Variants in GPC6 observed in about 807,000 individuals in gnomAD.
GPC6 encodes the protein glypican-6.
A neutral mutation model predicts 55.2 loss-of-function variants in GPC6; 14 were observed. The ratio of observed to expected loss-of-function variants is 0.25; its 90% confidence interval spans 0.17 to 0.40. The LOEUF (loss-of-function observed/expected upper bound fraction) is 0.40, where lower values mean the gene tolerates loss of function less well. Among genes scored for constraint, GPC6 ranks in the 10% least tolerant of loss-of-function variants. GPC6 has a pLI of 1.00. For synonymous variants in GPC6, 278 were observed against 259.6 expected (o/e 1.07, Z -0.68); for missense variants, 641 against 708.5 (o/e 0.90, Z 1.08).
intron 4 of GPC6, among the ~76,000 whole-genome samples, chr13:94,073,226 A>G (rs1884796952): frequency 1.3e-5 from 2 of 152,194 alleles, no homozygotes; most frequent in Non-Finnish European, 2.9e-5. Flanking sequence ...TTTGATTCTG[A>G]TCCAGGAATA....
At chr13:93,757,889 G>A (rs1884830684) in intron 2 of GPC6, among the ~76,000 whole-genome samples, 1 of 152,130 alleles carries the variant, frequency 6.6e-6, no homozygotes, top group South Asian at 2.1e-4. Flanking sequence ...AACAGAAATG[G>A]ATAATTAGGG....
At chr13:93,990,126 A>G (rs1213510874) in intron 3 of GPC6, among the ~76,000 whole-genome samples, 1 of 151,988 alleles carries the variant, frequency 6.6e-6, no homozygotes, top group Non-Finnish European at 1.5e-5. Context: ...AAATATGATA[A>G]TATTTTATCA....
intron 4 of GPC6, among the ~76,000 whole-genome samples, chr13:94,123,186 A>G (rs1886696481): frequency 6.6e-6 from 1 of 152,130 alleles, no homozygotes; most frequent in African/African-American, 2.4e-5. Flanking sequence ...AAGTATCAAT[A>G]TTTGAAAACG....
chr13:94,265,715 G>A (rs970400965), intron 4 of GPC6, among the ~76,000 whole-genome samples: 29 of 152,148 alleles, frequency 1.9e-4, no homozygotes, highest in African/African-American at 7.0e-4. Context: ...AAACTGAGGA[G>A]CAGGAAGTGA....
chr13:93,654,467 A>G (rs1314211121), intron 2 of GPC6, among the ~76,000 whole-genome samples: 1 of 152,068 alleles, frequency 6.6e-6, no homozygotes, highest in Non-Finnish European at 1.5e-5. Flanking sequence ...AACTGGGATT[A>G]CAGGTGCTTG....
At chr13:93,314,860 A>G (rs1207463934) in intron 1 of GPC6, among the ~76,000 whole-genome samples, 3 of 152,132 alleles carry the variant, frequency 2.0e-5, no homozygotes, top group African/African-American at 7.2e-5. Context: ...CCAAAGGATT[A>G]CATGGCTAGG....
At chr13:94,324,863 T>C (rs1877033381) in intron 6 of GPC6, among the ~76,000 whole-genome samples, 1 of 152,168 alleles carries the variant, frequency 6.6e-6, no homozygotes, top group Non-Finnish European at 1.5e-5. Context: ...TGCGTGAGGA[T>C]AGACAAAGGG....
At chr13:93,400,246 T>G (rs917299765) in intron 1 of GPC6, among the ~76,000 whole-genome samples, 12 of 152,076 alleles carry the variant, frequency 7.9e-5, no homozygotes, top group Non-Finnish European at 5.9e-5. Flanking sequence ...TTTTCCTTCC[T>G]TTCCTTTTCT....
chr13:94,378,682 G>C (rs1022993718), intron 6 of GPC6, among the ~76,000 whole-genome samples: 3 of 152,134 alleles, frequency 2.0e-5, no homozygotes, highest in African/African-American at 7.2e-5. Flanking sequence ...GTATATGTTT[G>C]GATCAGTTTC....
chr13:93,471,438 G>A (rs1466849646), intron 1 of GPC6, among the ~76,000 whole-genome samples: 1 of 151,832 alleles, frequency 6.6e-6, no homozygotes, highest in African/African-American at 2.4e-5. Flanking sequence ...GCTGAGGCAG[G>A]AGAATGGCAT....
chr13:94,322,319 T>G (rs1876870412), intron 6 of GPC6, among the ~76,000 whole-genome samples: 1 of 152,200 alleles, frequency 6.6e-6, no homozygotes, highest in South Asian at 2.1e-4. Flanking sequence ...TTAAGCCTCT[T>G]TTTCTTTATA....
chr13:93,566,725 C>G (rs1008377665), intron 2 of GPC6, among the ~76,000 whole-genome samples: 12 of 151,498 alleles, frequency 7.9e-5, no homozygotes, highest in Non-Finnish European at 1.6e-4. Context: ...TGCCCCCTCC[C>G]CTTGACAGGC....
intron 4 of GPC6, among the ~76,000 whole-genome samples, chr13:94,194,770 GA>G (rs1313565522): frequency 1.3e-5 from 2 of 151,902 alleles, no homozygotes; most frequent in Non-Finnish European, 2.9e-5. Context: ...TTTTAAAGAT[GA>G]AAAAAAGAAT....
At chr13:93,991,640 A>G (rs1167773726) in intron 3 of GPC6, among the ~76,000 whole-genome samples, 1 of 152,144 alleles carries the variant, frequency 6.6e-6, no homozygotes, top group East Asian at 1.9e-4. Context: ...GGCTGCTTCC[A>G]AGGATATGAG....
At chr13:94,108,954 C>A (rs1024141680) in intron 4 of GPC6, among the ~76,000 whole-genome samples, 3 of 152,054 alleles carry the variant, frequency 2.0e-5, no homozygotes, top group Non-Finnish European at 2.9e-5. Context: ...CCTGACTTAC[C>A]ACCTGTTATT....
chr13:94,146,981 C>A (rs1887582352), intron 4 of GPC6, among the ~76,000 whole-genome samples: 1 of 152,108 alleles, frequency 6.6e-6, no homozygotes, highest in African/African-American at 2.4e-5. Flanking sequence ...AAATCTGCTT[C>A]TAATGTTCAT....
Position 94,117,008 on chromosome 13 carries a change from T to C in GPC6, c.877+89114T>C, listed in dbSNP as rs112082540. Among the ~76,000 whole-genome samples, 319 of 152,218 alleles carry C rather than the reference T, an allele frequency of 2.1e-3. 1 individual carries two copies. The highest frequency in any genetic ancestry group is 3.8e-3 in the Non-Finnish European group (257 of 67,988). On this transcript the variant is annotated intron_variant, in intron 4 of 8. Coordinates refer to ENST00000377047, the MANE Select transcript of GPC6 (RefSeq NM_005708.5). ...CCCCCCAAATACAGTACTATGTTTC[T>C]GAAGCCCATGAGATTACTTGAGCAT...
chr13:93,953,308 C>A (rs1021237632), intron 3 of GPC6, among the ~76,000 whole-genome samples: 4 of 152,036 alleles, frequency 2.6e-5, no homozygotes, highest in African/African-American at 9.7e-5. Context: ...CCCCTTTTGA[C>A]TCTTCATATT....
chr13:94,044,914 T>C (rs1247906275), intron 4 of GPC6, among the ~76,000 whole-genome samples: 1 of 151,880 alleles, frequency 6.6e-6, no homozygotes, highest in Non-Finnish European at 1.5e-5. Context: ...TAACGTGCCG[T>C]ATCATATAAA....
Sources: allele counts gnomAD v4.1 joint callset (sites outside exome capture counted in the v4.1 genomes callset), GRCh38; gene constraint gnomAD v4.1.1; transcripts MANE v1.5; gene names NCBI Gene and HGNC (gene_info 2026-07-23, HGNC 2026-07-21).